GSE1: variants seen among roughly 807,000 people sequenced by gnomAD.
GSE1 encodes the protein Gse1 coiled-coil protein, also known as genetic suppressor element 1.
In GSE1, 32 loss-of-function variants were observed where a neutral mutation model predicts 112.6. The ratio of observed to expected loss-of-function variants is 0.28; its 90% CI spans 0.21 to 0.38. The LOEUF (loss-of-function observed/expected upper bound fraction) is 0.38. Among genes scored for constraint, GSE1 ranks in the 10% least tolerant of loss-of-function variants. GSE1 has a pLI of 1.00. For synonymous variants in GSE1, 1,115 were observed against 735.6 expected, an observed-to-expected ratio of 1.52 and a Z score of -8.35; for missense variants, 2,348 against 1,699.2, an observed-to-expected ratio of 1.38 and a Z score of -6.71.
intron 8 of GSE1, among the ~76,000 whole-genome samples, chr16:85,660,630 CTTTT>C (rs879637645): frequency 2.0e-5 from 3 of 149,458 alleles, no homozygotes; most frequent in African/African-American, 7.4e-5. Context: ...CAGAGTGAGT[CTTTT>C]TTTTTGTTTT....
chr16:85,246,434 TACACACACACAC>T (rs141045364), intron 1 of GSE1, among the ~76,000 whole-genome samples: 10,498 of 43,604 alleles, frequency 0.24, 1,656 homozygotes, highest in African/African-American at 0.36. Flanking sequence ...CCATGCTCTC[TACACACACACAC>T]ACACACACAC....
chr16:85,639,476 T>A (rs1383000312), intron 2 of GSE1, among the ~76,000 whole-genome samples: 1 of 147,216 alleles, frequency 6.8e-6, no homozygotes, highest in Non-Finnish European at 1.5e-5. Context: ...AGATTCTGAC[T>A]CCCCTCTAAG....
intron 1 of GSE1, among the ~76,000 whole-genome samples, chr16:85,309,263 C>A (rs7206815): frequency 0.029 from 4,459 of 152,160 alleles, 200 homozygotes; most frequent in African/African-American, 0.098. Context: ...CTTTGGGAGG[C>A]CAACTAGAGG....
chr16:85,631,374 G>A lies in GSE1; in HGVS notation c.8-2540G>A, dbSNP rs150222597. Among the ~76,000 whole-genome samples, 139 of 152,338 alleles carry A rather than the reference G, an allele frequency of 9.1e-4. 1 individual carries two copies. The highest frequency in any genetic ancestry group is 3.2e-3 in the African/African-American group (133 of 41,582). ...AGTGTCCTGTGGGTCACCTTTTCCC[G>A]GCCACCGGCCTTTTGGGGTCACGGG... On this transcript the variant is annotated intron_variant, in intron 1 of 15. Coordinates refer to ENST00000253458, the MANE Select transcript of GSE1 (RefSeq NM_014615.5).
chr16:85,666,310 G>A lies in GSE1; in HGVS notation c.3093G>A (p.Val1031=), dbSNP rs1470764132. The A allele has an allele frequency of 6.2e-7, 1 of 1,613,904 alleles. No homozygotes were observed. Among genetic ancestry groups the A allele is most frequent in the South Asian group, 1.1e-5 (1 of 91,088 alleles). ...TTGCACATCAGTTCCACGAGTCAGTGCTGCAGTCCACCCAGAAGGCCCTGC... is the reference window on the plus strand; with the variant it reads ...TTGCACATCAGTTCCACGAGTCAGTACTGCAGTCCACCCAGAAGGCCCTGC... ...EEFAHQFHES[V]LQSTQKALQK... The change falls in exon 13 of 16, where the codon GTG becomes GTA. Residue 1031 remains valine, a synonymous_variant. Coordinates refer to ENST00000253458, the MANE Select transcript of GSE1 (RefSeq NM_014615.5).
chr16:85,551,067 C>T (rs576522238), upstream of GSE1, among the ~76,000 whole-genome samples: 7 of 152,046 alleles, frequency 4.6e-5, no homozygotes, highest in Non-Finnish European at 1.0e-4. Context: ...TGCCCCTTGG[C>T]GTCCCCAGTC....
intron 15 of GSE1, 63 bp downstream of exon 15, chr16:85,671,161 C>G (rs1361377548): frequency 3.2e-6 from 3 of 935,456 alleles, no homozygotes; most frequent in Admixed American, 1.9e-5. Context: ...TTCAGAAACA[C>G]CCATGCAGAT....
At chr16:85,632,624 T>G (rs903156685) in intron 1 of GSE1, among the ~76,000 whole-genome samples, 7 of 152,080 alleles carry the variant, frequency 4.6e-5, no homozygotes, top group Non-Finnish European at 8.8e-5. Context: ...CTGGCAGAGG[T>G]GGAGTGGGCT....
chr16:85,471,361 A>C (rs1396385871), intron 2 of GSE1, among the ~76,000 whole-genome samples: 1 of 152,192 alleles, frequency 6.6e-6, no homozygotes, highest in Non-Finnish European at 1.5e-5. Flanking sequence ...TGTTGGTTGC[A>C]TGGTACCATA....
intron 2 of GSE1, among the ~76,000 whole-genome samples, chr16:85,424,880 C>T (rs377442024): frequency 6.6e-6 from 1 of 152,270 alleles, no homozygotes; most frequent in South Asian, 2.1e-4. Context: ...AATCATCACC[C>T]CACGAAGTCA....
At chr16:85,518,548 G>A (rs1025980256) in intron 2 of GSE1, among the ~76,000 whole-genome samples, 14 of 152,026 alleles carry the variant, frequency 9.2e-5, no homozygotes, top group Admixed American at 8.5e-4. Flanking sequence ...TTCAGCTTCC[G>A]GCCCCAATTC....
At chr16:85,170,804 C>T (rs995637211) in exon 1 of GSE1, 43 of 985,444 alleles carry the variant, frequency 4.4e-5, no homozygotes, top group Non-Finnish European at 4.7e-5. Flanking sequence ...AGCTGCTTCT[C>T]CTCCCTCACG....
chr16:85,273,176 T>C (rs980751365), intron 1 of GSE1, among the ~76,000 whole-genome samples: 1 of 152,182 alleles, frequency 6.6e-6, no homozygotes, highest in African/African-American at 2.4e-5. Flanking sequence ...GCCAACTACT[T>C]GGCCTCTCCG....
In GSE1 at chr16:85,223,293, C is replaced by T. The variant is rs1372595602; in HGVS notation, c.2283+51486C>T. The stretch of plus-strand genomic sequence containing the variant: ...ATCCCAACACTTTGGGAGGCCAAGG[C>T]GCGTGGATCATTTGAGGTCAGGAGT... On this transcript the variant is annotated intron_variant, in intron 1 of 2. Coordinates refer to the GSE1 transcript ENST00000637419. Among the ~76,000 whole-genome samples the T allele has an allele frequency of 5.9e-5, 9 of 152,166 alleles. No individual in the cohort carries two copies. In the East Asian group the frequency reaches 7.7e-4, roughly 13 times the overall value.
chr16:85,464,858 G>C (rs2151832145), intron 2 of GSE1, among the ~76,000 whole-genome samples: 1 of 152,340 alleles, frequency 6.6e-6, no homozygotes, highest in East Asian at 1.9e-4. Context: ...TGCCCACAGG[G>C]GCTGGTAGGG....
In GSE1 at chr16:85,324,550, G is replaced by A. The variant is rs117273952; in HGVS notation, c.2284-32913G>A. 4.4e-4 allele frequency among the ~76,000 whole-genome samples: 67 copies of A among 151,830 alleles called. No homozygotes were observed. In the East Asian group the frequency reaches 0.012, roughly 27 times the overall value. ...AAGAAAAAGAAAACATCGGAACATC[G>A]GTTCCACAAAAGCCTGTGCACACAC... On this transcript the variant is annotated intron_variant, in intron 1 of 2. Transcript: ENST00000637419.
upstream of GSE1, among the ~76,000 whole-genome samples, chr16:85,608,174 A>C (rs1425312693): frequency 1.3e-5 from 2 of 152,160 alleles, no homozygotes; most frequent in African/African-American, 2.4e-5. Context: ...GGCAGGAAAC[A>C]GAAAGAGGAG....
chr16:85,647,960 GA>G (rs752440721), intron 2 of GSE1, among the ~76,000 whole-genome samples: 23 of 151,980 alleles, frequency 1.5e-4, no homozygotes, highest in Non-Finnish European at 2.8e-4. Flanking sequence ...GGAGCCCCCG[GA>G]GGGGGCGCCT....
At chr16:85,628,158 G>T (rs925602355) in intron 1 of GSE1, among the ~76,000 whole-genome samples, 2 of 152,220 alleles carry the variant, frequency 1.3e-5, no homozygotes, top group African/African-American at 2.4e-5. Context: ...GCTGCGCCCG[G>T]CTGCTGCGGC....
Sources: gnomAD v4.1 joint callset for allele counts (sites outside exome capture counted in the v4.1 genomes callset) on GRCh38, gnomAD v4.1.1 for gene constraint, MANE v1.5 for transcripts, NCBI Gene and HGNC (gene_info 2026-07-23, HGNC 2026-07-21) for gene names.